The following PTPRD variants were observed in gnomAD, a reference collection of about 807,000 sequenced individuals.
PTPRD encodes the protein protein tyrosine phosphatase receptor type D.
In PTPRD, 34 loss-of-function variants were observed where a neutral mutation model predicts 214.5. That is an observed-to-expected ratio of 0.16 (90% CI 0.12 to 0.21). The LOEUF is 0.21. Among genes scored for constraint, PTPRD ranks in the 10% least tolerant of loss-of-function variants. PTPRD has a pLI of 1.00. For synonymous variants in PTPRD, 1,128 were observed against 845.7 expected (o/e 1.33, Z -5.79); for missense variants, 2,545 against 2,398.7 (o/e 1.06, Z -1.27).
intron 5 of PTPRD, among the ~76,000 whole-genome samples, chr9:9,807,636 T>C (rs374602738): frequency 6.6e-6 from 1 of 152,190 alleles, no homozygotes; most frequent in Non-Finnish European, 1.5e-5. Context: ...TATTTACACA[T>C]TGCTCTAGCA....
At chr9:8,954,285 T>C (rs543199408) in intron 11 of PTPRD, among the ~76,000 whole-genome samples, 4 of 151,300 alleles carry the variant, frequency 2.6e-5, no homozygotes, top group African/African-American at 9.7e-5. Flanking sequence ...TAGGTGGGAG[T>C]TAATCACTAA....
At chr9:8,677,359 G>A (rs1412852664) in intron 12 of PTPRD, among the ~76,000 whole-genome samples, 1 of 152,192 alleles carries the variant, frequency 6.6e-6, no homozygotes, top group Non-Finnish European at 1.5e-5. Context: ...ATGAGATAAT[G>A]TCCTTTGCAG....
chr9:9,937,984 T>C (rs1408069298), intron 5 of PTPRD, among the ~76,000 whole-genome samples: 2 of 152,162 alleles, frequency 1.3e-5, no homozygotes, highest in African/African-American at 4.8e-5. Flanking sequence ...ATCTTACCTC[T>C]TGTAATTTTA....
intron 12 of PTPRD, among the ~76,000 whole-genome samples, chr9:8,703,948 C>T (rs575020464): frequency 1.3e-5 from 2 of 152,282 alleles, no homozygotes; most frequent in South Asian, 2.1e-4. Flanking sequence ...ACTACAATCA[C>T]CCCAACAGGT....
At chr9:10,278,854 A>G (rs575369358) in intron 3 of PTPRD, among the ~76,000 whole-genome samples, 1 of 151,986 alleles carries the variant, frequency 6.6e-6, no homozygotes, top group East Asian at 1.9e-4. Flanking sequence ...GGCTCACTGC[A>G]AGCTCCGTCT....
At chr9:8,373,381 T>C (rs2082115012) in intron 39 of PTPRD, among the ~76,000 whole-genome samples, 1 of 152,044 alleles carries the variant, frequency 6.6e-6, no homozygotes, top group Admixed American at 6.6e-5. Context: ...GAGCTCAGTT[T>C]ATGCAGTTCC....
At chr9:8,875,109 A>C (rs10977331) in intron 11 of PTPRD, among the ~76,000 whole-genome samples, 40,001 of 151,874 alleles carry the variant, frequency 0.26, 6,160 homozygotes, top group Non-Finnish European at 0.35. Context: ...ATCCCCCTTT[A>C]AAGTTTTGGG....
At chr9:8,830,125 C>A (rs1406989256) in intron 11 of PTPRD, among the ~76,000 whole-genome samples, 1 of 152,066 alleles carries the variant, frequency 6.6e-6, no homozygotes, top group African/African-American at 2.4e-5. Flanking sequence ...ATCACTATAG[C>A]ATAGGTACTG....
intron 10 of PTPRD, among the ~76,000 whole-genome samples, chr9:9,131,374 C>T (rs1287882133): frequency 6.6e-6 from 1 of 152,168 alleles, no homozygotes; most frequent in African/African-American, 2.4e-5. Context: ...GGACTTTTCA[C>T]AGCCTATACA....
At chr9:8,873,454 C>T (rs893496063) in intron 11 of PTPRD, among the ~76,000 whole-genome samples, 2 of 152,134 alleles carry the variant, frequency 1.3e-5, no homozygotes, top group Admixed American at 1.3e-4. Flanking sequence ...TTCCCGTATA[C>T]CCCTAGTTTC....
At chr9:10,205,358 C>A (rs950936350) in intron 3 of PTPRD, among the ~76,000 whole-genome samples, 6 of 149,992 alleles carry the variant, frequency 4.0e-5, no homozygotes, top group East Asian at 2.0e-4. Context: ...GGCCACAATT[C>A]TTCTTCTTCT....
rs78569399 is a variant in PTPRD at position 8,432,654 on chromosome 9, T to C, written c.4086+3938A>G. 3.4e-3 allele frequency among the ~76,000 whole-genome samples: 525 copies of C among 152,346 alleles called. 1 individual carries two copies. The highest frequency in any genetic ancestry group is 0.012 in the African/African-American group (501 of 41,578). On this transcript the variant is annotated intron_variant, in intron 35 of 45. Transcript: ENST00000381196. The stretch of plus-strand genomic sequence containing the variant: ...TTTGCTGAAAGCCAGTAAAAATCTA[T>C]TCAAATTTATGTAGAAGATAATAAA...
At chr9:9,956,205 G>A (rs922098339) in intron 4 of PTPRD, among the ~76,000 whole-genome samples, 2 of 149,402 alleles carry the variant, frequency 1.3e-5, no homozygotes, top group Non-Finnish European at 3.0e-5. Context: ...GTTACTTTTT[G>A]TTCTTTATGG....
At chr9:9,148,611 T>G (rs953943874) in intron 10 of PTPRD, among the ~76,000 whole-genome samples, 2 of 152,028 alleles carry the variant, frequency 1.3e-5, no homozygotes, top group African/African-American at 4.8e-5. Flanking sequence ...TGAGGACAGA[T>G]GAGGATGAAA....
chr9:10,073,926 T>A (rs1438749027), intron 3 of PTPRD, among the ~76,000 whole-genome samples: 2 of 152,150 alleles, frequency 1.3e-5, no homozygotes, highest in African/African-American at 2.4e-5. Flanking sequence ...TGGACTGACA[T>A]AACTTTTGAA....
intron 11 of PTPRD, among the ~76,000 whole-genome samples, chr9:8,809,982 A>G (rs1056918625): frequency 3.3e-5 from 5 of 152,192 alleles, no homozygotes; most frequent in Admixed American, 6.5e-5. Context: ...CAGAGAAGCT[A>G]TGACAGCTGT....
intron 12 of PTPRD, among the ~76,000 whole-genome samples, chr9:8,642,946 C>T (rs1355792028): frequency 1.3e-5 from 2 of 151,996 alleles, no homozygotes; most frequent in Non-Finnish European, 2.9e-5. Flanking sequence ...AGGGCAAAAG[C>T]ATGGCACAGA....
At chr9:10,575,404 C>CATTT (rs1228371798) in intron 2 of PTPRD, among the ~76,000 whole-genome samples, 1 of 152,020 alleles carries the variant, frequency 6.6e-6, no homozygotes, top group African/African-American at 2.4e-5. Context: ...CTAGTCATTG[C>CATTT]ATTTTATGAG....
chr9:9,245,188 G>A (rs1329942331), intron 9 of PTPRD, among the ~76,000 whole-genome samples: 2 of 152,148 alleles, frequency 1.3e-5, no homozygotes, highest in Admixed American at 1.3e-4. Context: ...CACTGTTGGT[G>A]GGACTGTAAA....
Sources: allele counts gnomAD v4.1 joint callset (sites outside exome capture counted in the v4.1 genomes callset), GRCh38; gene constraint gnomAD v4.1.1; transcripts MANE v1.5; gene names NCBI Gene and HGNC (gene_info 2026-07-23, HGNC 2026-07-21).